The following WSCD1 variants were observed in gnomAD, a reference collection of about 807,000 sequenced individuals.
WSCD1 encodes sialate:O-sulfotransferase 1.
A neutral mutation model predicts 60.4 loss-of-function variants in WSCD1; 41 were observed. The ratio of observed to expected loss-of-function variants is 0.68; its 90% CI spans 0.53 to 0.88. The LOEUF (loss-of-function observed/expected upper bound fraction) is 0.88, where lower values mean the gene tolerates loss of function less well. Ranked by LOEUF, WSCD1 falls within the 40% of genes least tolerant of loss-of-function variation. The pLI is 0.00. For synonymous variants in WSCD1, 361 were observed against 332.5 expected (o/e 1.09, Z -0.93); for missense variants, 784 against 796.2 (o/e 0.98, Z 0.18).
chr17:6,096,352 A>G (rs904780050), intron 5 of WSCD1, among the ~76,000 whole-genome samples: 4 of 152,098 alleles, frequency 2.6e-5, no homozygotes, highest in Non-Finnish European at 4.4e-5. Context: ...CTGCAGGAGC[A>G]GCACAGCCAT....
intron 7 of WSCD1, among the ~76,000 whole-genome samples, chr17:6,113,366 G>GTT (rs1276345242): frequency 1.3e-5 from 2 of 152,122 alleles, no homozygotes; most frequent in Non-Finnish European, 2.9e-5. Flanking sequence ...AGACTTAAAT[G>GTT]TAAGACCCAA....
At chr17:6,078,710 G>A (rs551970420) in intron 1 of WSCD1, among the ~76,000 whole-genome samples, 19 of 152,278 alleles carry the variant, frequency 1.2e-4, no homozygotes, top group African/African-American at 4.6e-4. Context: ...GGAGCTTAGA[G>A]TTTATCCAGT....
Position 6,121,877 on chromosome 17 carries a change from GT to G in WSCD1, c.*1217del, listed in dbSNP as rs1331861654. ...AGGCCAGGAGGTTCAAGTATGGAGG[GT>G]AGGAGTGCAACCCAGGAGCAACGCT... On this transcript the variant is annotated 3_prime_UTR_variant, in exon 9 of 9. Transcript: ENST00000317744. 2 of 152,378 alleles carry G rather than the reference GT, an allele frequency of 1.3e-5. No individual in the cohort carries two copies. Among genetic ancestry groups the G allele is most frequent in the Admixed American group, 1.3e-4 (2 of 15,286 alleles). 9.4% of individuals were successfully genotyped at this position (152,378 alleles called of 1,614,324 possible). A position where few individuals can be genotyped will look rare whatever the true frequency, so the allele number is the denominator to read the frequency against.
chr17:6,119,623 A>G (rs1904522245), intron 8 of WSCD1, among the ~76,000 whole-genome samples: 1 of 152,068 alleles, frequency 6.6e-6, no homozygotes, highest in Non-Finnish European at 1.5e-5. Flanking sequence ...CCCGACAGTC[A>G]GGCAGGCTGA....
At chr17:6,117,883 C>G (rs1204718181) in intron 7 of WSCD1, 105 bp from the exon 8 acceptor site, 2 of 1,194,156 alleles carry the variant, frequency 1.7e-6, no homozygotes, top group Non-Finnish European at 1.2e-6. Flanking sequence ...TCCATGGGCC[C>G]TCTCTTATGC....
At position 6,102,666 on chromosome 17, in the gene WSCD1, C is replaced by T. The variant is rs1018494497; in HGVS notation, c.850-6941C>T. 2.0e-5 allele frequency among the ~76,000 whole-genome samples: 3 copies of T among 152,292 alleles called. No individual in the cohort carries two copies. In the East Asian group the frequency reaches 5.8e-4, roughly 29 times the overall value. On this transcript the variant is annotated intron_variant, in intron 5 of 8. Transcript: ENST00000317744. The stretch of plus-strand genomic sequence containing the variant: ...TTGGTCTTTTGTTCTAGGTGTATCT[C>T]TACGTAATTTGTTTTATAAACATTG...
chr17:6,108,934 G>A (rs1911251027), intron 5 of WSCD1, among the ~76,000 whole-genome samples: 2 of 152,212 alleles, frequency 1.3e-5, no homozygotes, highest in Admixed American at 6.5e-5. Context: ...TCTTGGGTGG[G>A]AACAAAGTCT....
In WSCD1 at chr17:6,124,419, A is replaced by G. The variant is rs138627821; in HGVS notation, c.*3758A>G. ...TTATATGAGCTAATAAATTCTGTTT[A>G]TTGTTTAAGTTGGGTTGAGTTTAAT... On this transcript the variant is annotated 3_prime_UTR_variant, in exon 9 of 9. Transcript: ENST00000317744. The G allele has an allele frequency of 6.5e-4, 99 of 152,288 alleles. No homozygotes were observed. Among genetic ancestry groups the G allele is most frequent in the African/African-American group, 2.3e-3 (96 of 41,558 alleles). 9.4% of individuals were successfully genotyped at this position (152,288 alleles called of 1,614,324 possible).
At chr17:6,109,561 C>A in intron 5 of WSCD1, 46 bp from the exon 6 acceptor site, 2 of 1,596,288 alleles carry the variant, frequency 1.3e-6, no homozygotes, top group Non-Finnish European at 1.7e-6. Context: ...GAAGCATGAC[C>A]CTCAAATTCA....
intron 4 of WSCD1, among the ~76,000 whole-genome samples, chr17:6,090,973 C>T (rs2150545610): frequency 6.6e-6 from 1 of 152,258 alleles, no homozygotes; most frequent in South Asian, 2.1e-4. Flanking sequence ...TCACTGCAAC[C>T]CCCACCTCTC....
intron 4 of WSCD1, among the ~76,000 whole-genome samples, chr17:6,094,200 AG>A: frequency 6.6e-6 from 1 of 152,348 alleles, no homozygotes; most frequent in East Asian, 1.9e-4. Flanking sequence ...TTCAGCTCCA[AG>A]GAAGCCAGCT....
intron 7 of WSCD1, among the ~76,000 whole-genome samples, chr17:6,114,073 A>G (rs1911559420): frequency 6.6e-6 from 1 of 151,988 alleles, no homozygotes; most frequent in South Asian, 2.1e-4. Context: ...CACAATAGCC[A>G]AGGTATGGAA....
chr17:6,106,676 A>C (rs1911101455), intron 5 of WSCD1, among the ~76,000 whole-genome samples: 1 of 152,188 alleles, frequency 6.6e-6, no homozygotes, highest in East Asian at 1.9e-4. Context: ...TGAATGGTAC[A>C]CCTGGGATCA....
chr17:6,070,930 C>A (rs1034504308), intron 1 of WSCD1, among the ~76,000 whole-genome samples: 1 of 151,670 alleles, frequency 6.6e-6, no homozygotes, highest in Non-Finnish European at 1.5e-5. Flanking sequence ...CGCGAGGCGC[C>A]GCACGAGCCG....
chr17:6,117,189 A>G (rs1030169972), intron 7 of WSCD1, among the ~76,000 whole-genome samples: 3 of 152,230 alleles, frequency 2.0e-5, no homozygotes, highest in African/African-American at 7.2e-5. Flanking sequence ...GTAGTCAGTC[A>G]TTCAGGTTCT....
Position 6,118,005 on chromosome 17 carries a change from G to A in WSCD1, c.1192G>A (p.Asp398Asn). 1.2e-6 allele frequency: 2 copies of A among 1,613,872 alleles called. No homozygotes were observed. Among genetic ancestry groups the A allele is most frequent in the Non-Finnish European group, 1.7e-6 (2 of 1,180,036 alleles). The change falls in exon 8 of 9, where the codon GAC (aspartate) becomes AAC (asparagine). Residue 398 changes from aspartate to asparagine, a missense_variant. Coordinates refer to ENST00000317744, the MANE Select transcript of WSCD1 (RefSeq NM_015253.2). This position sits in a 1 kb window ranked among gnomAD's most constrained non-coding sequence, Gnocchi z 5.8. ...LYNKGFKGEK[D>N]HWRSRRTICV... is the part of the protein sequence containing the mutation. Reference sequence around the variant, plus strand: ...CCCTGCAGGGTTCAAGGGCGAAAAGGACCACTGGCGGAGCCGACGCACCAT... The same window carrying A: ...CCCTGCAGGGTTCAAGGGCGAAAAGAACCACTGGCGGAGCCGACGCACCAT...
At chr17:6,081,186 C>T (rs765229455) in intron 2 of WSCD1, 101 bp downstream of exon 2, 46 of 1,311,620 alleles carry the variant, frequency 3.5e-5, no homozygotes, top group South Asian at 1.4e-4. Flanking sequence ...TGGCCTTCAC[C>T]GCTAGATGGT....
In WSCD1 at chr17:6,123,633, T is replaced by A. The variant is rs1468803972; in HGVS notation, c.*2972T>A. 6.6e-6 allele frequency: 1 copy of A among 152,186 alleles called. No homozygotes were observed. The highest frequency in any genetic ancestry group is 1.5e-5 in the Non-Finnish European group (1 of 68,042). The allele number at this position is 152,186 out of a possible 1,614,324, so 9.4% of individuals were successfully genotyped here. On this transcript the variant is annotated 3_prime_UTR_variant, in exon 9 of 9. Coordinates refer to ENST00000317744, the MANE Select transcript of WSCD1 (RefSeq NM_015253.2). ...GAGGTTGATGTTACGACTGCAAGAA[T>A]TCTTGGGACACAGGTTTGTTTTCTG... is the stretch of plus-strand genomic sequence containing the variant.
At chr17:6,115,011 G>A (rs976473808) in intron 7 of WSCD1, among the ~76,000 whole-genome samples, 10 of 152,146 alleles carry the variant, frequency 6.6e-5, no homozygotes, top group Non-Finnish European at 1.2e-4. Flanking sequence ...TTCCTGCAAA[G>A]GACATGAACT....
Sources: gnomAD v4.1 joint callset for allele counts (sites outside exome capture counted in the v4.1 genomes callset) on GRCh38, gnomAD v4.1.1 for gene constraint, Gnocchi (gnomAD v3.1) non-coding constraint, MANE v1.5 for transcripts, NCBI Gene and HGNC (gene_info 2026-07-23, HGNC 2026-07-21) for gene names.